The following GNA11 variants were observed in gnomAD, a reference collection of about 807,000 sequenced individuals.
The protein encoded by GNA11 is G protein subunit alpha 11.
In GNA11, 8 loss-of-function variants were observed where a neutral mutation model predicts 38.2. The observed-to-expected ratio is 0.21, with a 90% CI of 0.12 to 0.38. The LOEUF is 0.38. Ranked by LOEUF, GNA11 falls within the 10% of genes least tolerant of loss-of-function variation. GNA11 has a pLI of 1.00. For missense variants in GNA11, 268 were observed against 516.3 expected, an observed-to-expected ratio of 0.52 and a Z score of 4.66; for synonymous variants, 211 against 221.4, an observed-to-expected ratio of 0.95 and a Z score of 0.42.
rs1682811 is a variant in GNA11 at position 3,113,307 on chromosome 19, G to C, written c.322-23G>C. 0.86 allele frequency: 1,381,895 copies of C among 1,610,730 alleles called. 594,045 individuals carry two copies. The highest frequency in any genetic ancestry group is 0.91 in the Admixed American group (54,582 of 59,978). On this transcript the variant is annotated intron_variant, in intron 2 of 6. Coordinates refer to ENST00000078429, the MANE Select transcript of GNA11 (RefSeq NM_002067.5). ...TGTGTGGCCCCAGCGAGCTCTCGAC[G>C]TCTCCCCTGCCCGCCCTCGCAGGCC...
rs149017638 is a variant in GNA11 at position 3,121,523 on chromosome 19, C to G, written c.*344C>G. On this transcript the variant is annotated 3_prime_UTR_variant, in exon 7 of 7. Coordinates refer to ENST00000078429, the MANE Select transcript of GNA11 (RefSeq NM_002067.5). ...TAAAACACACAAGCGCCCCGTGCCC[C>G]CAGTGACTCTGGGCCTCACAGAGCC... The G allele has an allele frequency of 1.2e-5, 3 of 243,404 alleles. No homozygotes were observed. Among genetic ancestry groups the G allele is most frequent in the African/African-American group, 6.6e-5 (3 of 45,554 alleles). The allele number at this position is 243,404 out of a possible 1,614,324, so 15.1% of individuals were successfully genotyped here. A position where few individuals can be genotyped will look rare whatever the true frequency, so the allele number is the denominator to read the frequency against.
chr19:3,120,885 G>T lies in GNA11; in HGVS notation c.890-104G>T, dbSNP rs1914054956. 1.1e-5 allele frequency: 9 copies of T among 784,998 alleles called. No homozygotes were observed. The highest frequency in any genetic ancestry group is 1.6e-5 in the Non-Finnish European group (8 of 489,242). 48.6% of individuals were successfully genotyped at this position (784,998 alleles called of 1,614,324 possible). ...GTGGGCTGGGGGTCGAGCTGGGTGG[G>T]CCGTGGGCCTTACTCGCTCATCCCC... is the stretch of plus-strand genomic sequence containing the variant. On this transcript the variant is annotated intron_variant, in intron 6 of 6. Coordinates refer to ENST00000078429, the MANE Select transcript of GNA11 (RefSeq NM_002067.5). This position sits in a 1 kb window ranked among gnomAD's most constrained non-coding sequence, Gnocchi z 5.9.
In GNA11 at chr19:3,114,319, G is replaced by A. The variant is rs866015113; in HGVS notation, c.477-625G>A. Reference sequence around the variant, plus strand: ...CGCCCCACTCAGGACTGCCCAGGGCGTCAAAAACGGGAAACTGTCCCAACC... The same window carrying A: ...CGCCCCACTCAGGACTGCCCAGGGCATCAAAAACGGGAAACTGTCCCAACC... On this transcript the variant is annotated intron_variant, in intron 3 of 6. Transcript: ENST00000078429. 2.6e-5 allele frequency among the ~76,000 whole-genome samples: 4 copies of A among 152,182 alleles called. No homozygotes were observed. The East Asian group carries it at 5.8e-4, about 22-fold the overall frequency.
In GNA11 at chr19:3,113,322, C is replaced by T; in HGVS notation, c.322-8C>T. 1.2e-6 allele frequency: 2 copies of T among 1,608,762 alleles called. No homozygotes were observed. The highest frequency in any genetic ancestry group is 1.7e-6 in the Non-Finnish European group (2 of 1,179,220). On this transcript the variant is annotated splice_region_variant and splice_polypyrimidine_tract_variant and intron_variant, in intron 2 of 6. Coordinates refer to ENST00000078429, the MANE Select transcript of GNA11 (RefSeq NM_002067.5). ...AGCTCTCGACGTCTCCCCTGCCCGC[C>T]CTCGCAGGCCAATGCGCTCCTGATC... is the stretch of plus-strand genomic sequence containing the variant.
At position 3,121,086 on chromosome 19, in the gene GNA11, G is replaced by A. The variant is rs375856122; in HGVS notation, c.987G>A (p.Thr329=). The change falls in exon 7 of 7, where the codon ACG becomes ACA. Residue 329 remains threonine (T), a synonymous_variant. Coordinates refer to ENST00000078429, the MANE Select transcript of GNA11 (RefSeq NM_002067.5). ...DSDKIIYSHF[T]CATDTENIRF... The stretch of plus-strand genomic sequence containing the variant: ...ACAAGATCATCTACTCACACTTCAC[G>A]TGTGCCACCGACACGGAGAACATCC... 29 of 1,613,784 alleles carry A rather than the reference G, an allele frequency of 1.8e-5. No individual in the cohort carries two copies. In the East Asian group the frequency reaches 2.5e-4, roughly 14 times the overall value.
rs1165106487 is a variant in GNA11 at position 3,119,443 on chromosome 19, CAGGCCGGGAGCTCTA to C, written c.889+88_889+102del. 1.1e-5 allele frequency: 14 copies of C among 1,313,454 alleles called. No homozygotes were observed. Among genetic ancestry groups the C allele is most frequent in the Non-Finnish European group, 1.4e-5 (13 of 937,188 alleles). 81.4% of individuals were successfully genotyped at this position (1,313,454 alleles called of 1,614,324 possible). ...GGCTGATATGGGAGAGGGGCTCATACAGGCCGGGAGCTCTAAGGGAGGGCGTCTGATGGGAGGTGT... is the reference window on the plus strand; with the variant it reads ...GGCTGATATGGGAGAGGGGCTCATACAGGGAGGGCGTCTGATGGGAGGTGT... On this transcript the variant is annotated intron_variant, in intron 6 of 6. Coordinates refer to ENST00000078429, the MANE Select transcript of GNA11 (RefSeq NM_002067.5). This position sits in a 1 kb window ranked among gnomAD's most constrained non-coding sequence, Gnocchi z 4.6.
At chr19:3,109,708 G>T (rs1212451351) in intron 1 of GNA11, among the ~76,000 whole-genome samples, 3 of 152,188 alleles carry the variant, frequency 2.0e-5, no homozygotes, top group African/African-American at 7.2e-5. Context: ...TGCCGTTGGG[G>T]TGAGTCCGTC....
Position 3,122,194 on chromosome 19 carries a change from A to ACT in GNA11, c.*1015_*1016insCT. The ACT allele has an allele frequency of 4.3e-6, 1 of 231,224 alleles. No homozygotes were observed. 14.3% of individuals were successfully genotyped at this position (231,224 alleles called of 1,614,324 possible). ...CCGCTTTGTGATGTCACCAATTTGGAAACAGCGAGGGTGGGTGGGGACTTT... is the reference window on the plus strand; with the variant it reads ...CCGCTTTGTGATGTCACCAATTTGGACTAACAGCGAGGGTGGGTGGGGACTTT... On this transcript the variant is annotated 3_prime_UTR_variant, in exon 7 of 7. Transcript: ENST00000078429. This position sits in a 1 kb window ranked among gnomAD's most constrained non-coding sequence, Gnocchi z 7.7.
chr19:3,113,549 C>A, intron 3 of GNA11, 65 bp downstream of exon 3: 2 of 1,292,744 alleles, frequency 1.5e-6, no homozygotes, highest in East Asian at 2.6e-5. Context: ...TGGGACCCTT[C>A]GGGAAGGCCT....
rs894858042 is a variant in GNA11, at chr19:3,119,691, G to A, written c.889+332G>A. On this transcript the variant is annotated intron_variant, in intron 6 of 6. Transcript: ENST00000078429. The surrounding 1 kb of genome is among the most constrained non-coding windows in gnomAD (Gnocchi z 4.6). The stretch of plus-strand genomic sequence containing the variant: ...TTGTACAAGGAGGGCACCATGGGAG[G>A]GGGAGTCTTGTATTGGTGGGTCTTG... 8.6e-5 allele frequency among the ~76,000 whole-genome samples: 13 copies of A among 151,712 alleles called. 1 individual carries two copies. The highest frequency in any genetic ancestry group is 2.9e-5 in the Non-Finnish European group (2 of 67,856).
chr19:3,104,835 G>T (rs764544817), intron 1 of GNA11, among the ~76,000 whole-genome samples: 7 of 152,238 alleles, frequency 4.6e-5, no homozygotes, highest in Non-Finnish European at 1.0e-4. Flanking sequence ...CTGTGGGGGT[G>T]CTGGGCGCTT....
chr19:3,099,339 G>A (rs993242510), intron 1 of GNA11, among the ~76,000 whole-genome samples: 1 of 152,212 alleles, frequency 6.6e-6, no homozygotes, highest in African/African-American at 2.4e-5. Flanking sequence ...GCCTTGTATG[G>A]CTTGCCCACC....
chr19:3,116,870 T>C (rs923188882), intron 4 of GNA11, among the ~76,000 whole-genome samples: 1 of 152,140 alleles, frequency 6.6e-6, no homozygotes, highest in Non-Finnish European at 1.5e-5. Context: ...CTGTGGGGTT[T>C]TCCTCGAGAG....
In GNA11 at chr19:3,094,834, GTGCCTGCCC is replaced by G. The variant is rs1183496130; in HGVS notation, c.136+54_136+62del. 2 of 1,410,732 alleles carry G rather than the reference GTGCCTGCCC, an allele frequency of 1.4e-6. No individual in the cohort carries two copies. Among genetic ancestry groups the G allele is most frequent in the Non-Finnish European group, 9.4e-7 (1 of 1,064,416 alleles). The allele number at this position is 1,410,732 out of a possible 1,614,324, so 87.4% of individuals were successfully genotyped here. ...GCCGGCTGCGGGCCCTGCCCTGCCT[GTGCCTGCCC>G]TGCCTGTCCGGGTCGGGCCGGGACC... On this transcript the variant is annotated intron_variant, in intron 1 of 6. Transcript: ENST00000078429. The surrounding 1 kb of genome is among the most constrained non-coding windows in gnomAD (Gnocchi z 6.0).
chr19:3,121,301 A>C lies in GNA11; in HGVS notation c.*122A>C. Reference sequence around the variant, plus strand: ...CCGGGGCCTCTGCCCGCGGGAGGAGATTTTTTTTTTTCATATTTTTAACAA... The same window carrying C: ...CCGGGGCCTCTGCCCGCGGGAGGAGCTTTTTTTTTTTCATATTTTTAACAA... On this transcript the variant is annotated 3_prime_UTR_variant, in exon 7 of 7. Coordinates refer to ENST00000078429, the MANE Select transcript of GNA11 (RefSeq NM_002067.5). The C allele has an allele frequency of 1.9e-6, 1 of 534,104 alleles. No individual in the cohort carries two copies. Among genetic ancestry groups the C allele is most frequent in the Non-Finnish European group, 3.3e-6 (1 of 303,980 alleles). The allele number at this position is 534,104 out of a possible 1,614,324, so 33.1% of individuals were successfully genotyped here. A position where few individuals can be genotyped will look rare whatever the true frequency, so the allele number is the denominator to read the frequency against.
intron 1 of GNA11, among the ~76,000 whole-genome samples, chr19:3,103,018 T>G (rs568698810): frequency 1.3e-5 from 2 of 152,268 alleles, no homozygotes; most frequent in African/African-American, 4.8e-5. Flanking sequence ...CCCCGCAGCC[T>G]GGTGGGGGCT....
intron 1 of GNA11, among the ~76,000 whole-genome samples, chr19:3,096,028 G>A (rs888064333): frequency 6.6e-6 from 1 of 152,200 alleles, no homozygotes. Context: ...GGCCGGGGGC[G>A]GGGCGGTGGG....
chr19:3,102,985 C>A (rs76359103), intron 1 of GNA11, among the ~76,000 whole-genome samples: 6 of 152,172 alleles, frequency 3.9e-5, no homozygotes, highest in African/African-American at 1.2e-4. Context: ...GCCTTGCTCC[C>A]GGTGTGTGCA....
intron 1 of GNA11, among the ~76,000 whole-genome samples, chr19:3,096,793 C>T (rs185778012): frequency 6.6e-6 from 1 of 151,198 alleles, no homozygotes; most frequent in African/African-American, 2.4e-5. Flanking sequence ...CCAGGCGTGG[C>T]AGATAGGACA....
Sources: gnomAD v4.1 joint callset for allele counts (sites outside exome capture counted in the v4.1 genomes callset) on GRCh38, gnomAD v4.1.1 for gene constraint, Gnocchi (gnomAD v3.1) non-coding constraint, MANE v1.5 for transcripts, NCBI Gene and HGNC (gene_info 2026-07-23, HGNC 2026-07-21) for gene names.